TBCA: variants seen among roughly 807,000 people sequenced by gnomAD.
TBCA encodes the protein tubulin folding cofactor A.
In TBCA, 6 loss-of-function variants were observed where a neutral mutation model predicts 15.8. The ratio of observed to expected loss-of-function variants is 0.38; its 90% confidence interval spans 0.21 to 0.75. TBCA has a LOEUF of 0.75. Among genes scored for constraint, TBCA ranks in the 30% least tolerant of loss-of-function variants. The pLI, the probability that TBCA is intolerant of heterozygous loss-of-function variation, is 0.46. For missense variants in TBCA, 90 were observed against 131.2 expected (o/e 0.69, Z 1.53); for synonymous variants, 32 against 42.3 (o/e 0.76, Z 0.94).
chr5:77,722,004 C>T (rs1194436179), intron 1 of TBCA, among the ~76,000 whole-genome samples: 1 of 151,936 alleles, frequency 6.6e-6, no homozygotes, highest in Non-Finnish European at 1.5e-5. Flanking sequence ...CTTTATCTCA[C>T]AAAAACAGAA....
chr5:77,692,699 GTATT>G (rs1312258622), intron 3 of TBCA: 8 of 988,040 alleles, frequency 8.1e-6, no homozygotes, highest in Non-Finnish European at 9.6e-6. Context: ...GTCTTAGATA[GTATT>G]TTAACAGTTA....
chr5:77,719,655 A>G (rs1746484429), intron 1 of TBCA, among the ~76,000 whole-genome samples: 1 of 152,264 alleles, frequency 6.6e-6, no homozygotes, highest in Non-Finnish European at 1.5e-5. Flanking sequence ...AACAGCTAAA[A>G]TGATGCATGT....
chr5:77,723,556 C>T (rs1746569204), intron 1 of TBCA, among the ~76,000 whole-genome samples: 1 of 151,876 alleles, frequency 6.6e-6, no homozygotes, highest in African/African-American at 2.4e-5. Flanking sequence ...AATTCCCAAC[C>T]ATCTGATTTA....
intron 1 of TBCA, among the ~76,000 whole-genome samples, chr5:77,761,425 T>A (rs1747636868): frequency 6.6e-6 from 1 of 152,112 alleles, no homozygotes; most frequent in Non-Finnish European, 1.5e-5. Context: ...GTTAAACAGA[T>A]GCTTGAAGGC....
chr5:77,776,224 T>C lies in TBCA; in HGVS notation c.34A>G (p.Lys12Glu), dbSNP rs1425457976. The change falls in exon 1 of 4, where the codon AAG becomes GAG. Residue 12 changes from lysine (K) to glutamate (E), a missense_variant. By Grantham distance (56) the Lys-to-Glu change is moderately conservative. Coordinates refer to ENST00000380377, the MANE Select transcript of TBCA (RefSeq NM_004607.3). Reference sequence around the variant, plus strand: ...CCTTACCGCTTCACCACGCCGGTCTTGATCTTGATCTGTCTCACGCGAGGA... The same window carrying C: ...CCTTACCGCTTCACCACGCCGGTCTCGATCTTGATCTGTCTCACGCGAGGA... ...ADPRVRQIKI[K>E]TGVVKRLVKE... 6 of 1,575,634 alleles carry C rather than the reference T, an allele frequency of 3.8e-6. No individual in the cohort carries two copies. Among genetic ancestry groups the C allele is most frequent in the Non-Finnish European group, 5.2e-6 (6 of 1,161,644 alleles).
chr5:77,731,825 ATACTT>A (rs1746778277), intron 1 of TBCA, among the ~76,000 whole-genome samples: 1 of 152,254 alleles, frequency 6.6e-6, no homozygotes, highest in African/African-American at 2.4e-5. Context: ...AAAAAATAAA[ATACTT>A]TAATTTAATG....
In TBCA at chr5:77,752,525, G is replaced by A. The variant is rs557588967; in HGVS notation, c.53+23680C>T. The stretch of plus-strand genomic sequence containing the variant: ...ATTACAGGCACATGCCACCATGTCC[G>A]GCTTATTTTTGTTTTGTTTTGTTTT... On this transcript the variant is annotated intron_variant, in intron 1 of 3. Transcript: ENST00000380377. 1.9e-4 allele frequency among the ~76,000 whole-genome samples: 25 copies of A among 129,862 alleles called. 3 individuals are homozygous for A. In the South Asian group the frequency reaches 5.4e-3, roughly 28 times the overall value. 85.2% of individuals were successfully genotyped at this position (129,862 alleles called of 152,430 possible).
chr5:77,709,623 A>G (rs903996409), intron 1 of TBCA, among the ~76,000 whole-genome samples: 14 of 152,302 alleles, frequency 9.2e-5, no homozygotes, highest in African/African-American at 3.4e-4. Flanking sequence ...GGAAAGTTTA[A>G]CTATTCCTCA....
Position 77,692,329 on chromosome 5 carries a change from A to T in TBCA, c.247-831T>A, listed in dbSNP as rs898139432. ...ATACGTAAGAATTTCTTAAACCTCC[A>T]TGTTATACCTTAAACACATCTTTGT... On this transcript the variant is annotated intron_variant, in intron 3 of 3. Transcript: ENST00000380377. 5 of 985,300 alleles carry T rather than the reference A, an allele frequency of 5.1e-6. No individual in the cohort carries two copies. In the Admixed American group the frequency reaches 1.8e-4, roughly 36 times the overall value. The allele number at this position is 985,300 out of a possible 1,614,324, so 61.0% of individuals were successfully genotyped here. A position where few individuals can be genotyped will look rare whatever the true frequency, so the allele number is the denominator to read the frequency against.
chr5:77,708,378 T>A, intron 1 of TBCA, 31 bp from the exon 2 acceptor site: 1 of 1,380,508 alleles, frequency 7.2e-7, no homozygotes, highest in Non-Finnish European at 1.0e-6. Flanking sequence ...TTTTAGAAAA[T>A]TAGCTTTCTC....
At chr5:77,762,991 C>T (rs1747679206) in intron 1 of TBCA, among the ~76,000 whole-genome samples, 1 of 152,176 alleles carries the variant, frequency 6.6e-6, no homozygotes, top group African/African-American at 2.4e-5. Context: ...CGCCTGTAAT[C>T]CCAGCACTTT....
chr5:77,713,136 A>T (rs760937991), intron 1 of TBCA, among the ~76,000 whole-genome samples: 2 of 152,076 alleles, frequency 1.3e-5, no homozygotes, highest in Admixed American at 6.5e-5. Context: ...TCTACAAAAA[A>T]TTTTTAAAAA....
At chr5:77,732,716 G>A (rs544516423) in intron 1 of TBCA, among the ~76,000 whole-genome samples, 8 of 151,780 alleles carry the variant, frequency 5.3e-5, no homozygotes, top group East Asian at 3.9e-4. Flanking sequence ...TATATTTTAC[G>A]GTGATTTGTG....
At chr5:77,699,284 A>G (rs1265343996) in intron 2 of TBCA, among the ~76,000 whole-genome samples, 1 of 152,160 alleles carries the variant, frequency 6.6e-6, no homozygotes, top group Admixed American at 6.6e-5. Context: ...AAGCCAAAAC[A>G]AACTAGAAAA....
chr5:77,761,571 C>T (rs930677947), intron 1 of TBCA, among the ~76,000 whole-genome samples: 3 of 152,006 alleles, frequency 2.0e-5, no homozygotes, highest in African/African-American at 4.8e-5. Context: ...GACCTTCTCT[C>T]CACTATTATC....
chr5:77,718,620 T>A (rs929718622), intron 1 of TBCA, among the ~76,000 whole-genome samples: 7 of 152,224 alleles, frequency 4.6e-5, no homozygotes, highest in Non-Finnish European at 8.8e-5. Context: ...CCAATCCTTG[T>A]GGTCATTATA....
intron 1 of TBCA, among the ~76,000 whole-genome samples, chr5:77,741,836 C>T (rs1224301644): frequency 6.6e-6 from 1 of 152,056 alleles, no homozygotes; most frequent in Non-Finnish European, 1.5e-5. Context: ...CTGAGCTACT[C>T]TGAATATCCC....
intron 3 of TBCA, chr5:77,692,887 C>T: frequency 8.6e-7 from 1 of 1,166,884 alleles, no homozygotes. Context: ...TAATAAGATC[C>T]CAAATTCTTT....
At chr5:77,711,519 A>G (rs1012281351) in intron 1 of TBCA, among the ~76,000 whole-genome samples, 2 of 152,184 alleles carry the variant, frequency 1.3e-5, no homozygotes, top group Admixed American at 6.5e-5. Context: ...TAGGCACTCA[A>G]TGTTGGTTGA....
Sources: gnomAD v4.1 joint callset for allele counts (sites outside exome capture counted in the v4.1 genomes callset) on GRCh38, gnomAD v4.1.1 for gene constraint, MANE v1.5 for transcripts, NCBI Gene and HGNC (gene_info 2026-07-23, HGNC 2026-07-21) for gene names.